Variants in BCL7A observed in about 807,000 individuals in gnomAD.
BCL7A encodes the protein B-cell CLL/lymphoma 7 protein family member A.
Under a neutral mutation model 28.4 loss-of-function variants are expected in BCL7A, and 11 were observed. The ratio of observed to expected loss-of-function variants is 0.39; its 90% CI spans 0.24 to 0.64. BCL7A has a LOEUF of 0.64. BCL7A is among the 30% of genes least tolerant of loss of function. The pLI is 0.50. For synonymous variants in BCL7A, 123 were observed against 103.3 expected, an observed-to-expected ratio of 1.19 and a Z score of -1.15; for missense variants, 222 against 274.8, an observed-to-expected ratio of 0.81 and a Z score of 1.36.
At chr12:122,035,588 CGGA>C (rs2135846388) in intron 3 of BCL7A, among the ~76,000 whole-genome samples, 161 bp downstream of exon 3, 1 of 152,250 alleles carries the variant, frequency 6.6e-6, no homozygotes, top group South Asian at 2.1e-4. Context: ...GAAGAGTCAG[CGGA>C]GGAGAGGATG....
At chr12:122,052,401 G>A (rs1884209775) in intron 4 of BCL7A, among the ~76,000 whole-genome samples, 1 of 152,136 alleles carries the variant, frequency 6.6e-6, no homozygotes, top group African/African-American at 2.4e-5. Context: ...TTCACTGACA[G>A]TACACTCACA....
intron 4 of BCL7A, among the ~76,000 whole-genome samples, chr12:122,052,828 G>A (rs892429961): frequency 1.5e-4 from 20 of 136,910 alleles, no homozygotes; most frequent in Admixed American, 3.9e-4. Context: ...GATTACAGGC[G>A]CGCGACACCA....
intron 3 of BCL7A, among the ~76,000 whole-genome samples, chr12:122,042,168 GC>G (rs1317487598): frequency 6.6e-6 from 1 of 152,150 alleles, no homozygotes; most frequent in Admixed American, 6.6e-5. Context: ...AACTGTAAAT[GC>G]CATTGCCCAA....
Position 122,059,206 on chromosome 12 carries a change from A to G in BCL7A, c.*43A>G, listed in dbSNP as rs777093755. 4 of 1,551,440 alleles carry G rather than the reference A, an allele frequency of 2.6e-6. No homozygotes were observed. Among genetic ancestry groups the G allele is most frequent in the African/African-American group, 2.7e-5 (2 of 73,500 alleles). On this transcript the variant is annotated 3_prime_UTR_variant, in exon 6 of 6. Coordinates refer to ENST00000261822, the MANE Select transcript of BCL7A (RefSeq NM_001024808.3). The surrounding 1 kb of genome is among the most constrained non-coding windows in gnomAD (Gnocchi z 4.0). The stretch of plus-strand genomic sequence containing the variant: ...CCGATCCATGTTCCATGGAAGGTAC[A>G]TCAGCAATTAATTCTAGAGCAACTT...
At chr12:122,024,586 A>C (rs2135836497) in intron 1 of BCL7A, among the ~76,000 whole-genome samples, 1 of 151,372 alleles carries the variant, frequency 6.6e-6, no homozygotes, top group South Asian at 2.1e-4. Context: ...GACTCAGCCC[A>C]TGAGACTGTG....
At chr12:122,050,739 T>C (rs1408378739) in intron 4 of BCL7A, among the ~76,000 whole-genome samples, 1 of 152,212 alleles carries the variant, frequency 6.6e-6, no homozygotes, top group African/African-American at 2.4e-5. Context: ...GAGGCTGCAG[T>C]GAGCCATGAT....
intron 4 of BCL7A, among the ~76,000 whole-genome samples, chr12:122,052,396 T>C (rs1381583683): frequency 6.6e-6 from 1 of 152,172 alleles, no homozygotes; most frequent in African/African-American, 2.4e-5. Context: ...AATAATTCAC[T>C]GACAGTACAC....
At position 122,029,005 on chromosome 12, in the gene BCL7A, T is replaced by C. The variant is rs1298298221; in HGVS notation, c.93-1695T>C. Among the ~76,000 whole-genome samples the C allele has an allele frequency of 6.6e-6, 1 of 152,184 alleles. No individual in the cohort carries two copies. The highest frequency in any genetic ancestry group is 1.5e-5 in the Non-Finnish European group (1 of 68,032). On this transcript the variant is annotated intron_variant, in intron 1 of 5. Transcript: ENST00000261822. The surrounding 1 kb of genome is among the most constrained non-coding windows in gnomAD (Gnocchi z 4.3). ...GCCAGTGGACTTAGACACTCGTCTTTCCTGCATCGTTTCTGGGTGAAAAGG... is the reference window on the plus strand; with the variant it reads ...GCCAGTGGACTTAGACACTCGTCTTCCCTGCATCGTTTCTGGGTGAAAAGG...
In BCL7A at chr12:122,033,498, G is replaced by A. The variant is rs187770886; in HGVS notation, c.175-1833G>A. ...CCAGCTAATTTTTGTATTTTTAATA[G>A]AGACGGGGTTTCACCATGTTAGCCA... On this transcript the variant is annotated intron_variant, in intron 2 of 5. Transcript: ENST00000261822. Among the ~76,000 whole-genome samples, 63 of 152,252 alleles carry A rather than the reference G, an allele frequency of 4.1e-4. 1 individual carries two copies. The highest frequency in any genetic ancestry group is 1.4e-3 in the African/African-American group (58 of 41,536).
At chr12:122,048,257 A>G (rs1321157548) in intron 4 of BCL7A, among the ~76,000 whole-genome samples, 1 of 151,674 alleles carries the variant, frequency 6.6e-6, no homozygotes, top group Non-Finnish European at 1.5e-5. Flanking sequence ...ATTTGAAGAG[A>G]GTATTTCTTA....
rs959576850 is a variant in BCL7A, at chr12:122,059,469, T to C, written c.*306T>C. Reference sequence around the variant, plus strand: ...TTCCATTTGTGTTGCTGCTGTATTTTCCCCCCACTTCTCTATGTAACGATA... The same window carrying C: ...TTCCATTTGTGTTGCTGCTGTATTTCCCCCCCACTTCTCTATGTAACGATA... On this transcript the variant is annotated 3_prime_UTR_variant, in exon 6 of 6. Transcript: ENST00000261822. This position sits in a 1 kb window ranked among gnomAD's most constrained non-coding sequence, Gnocchi z 4.0. 13 of 331,130 alleles carry C rather than the reference T, an allele frequency of 3.9e-5. No homozygotes were observed. The highest frequency in any genetic ancestry group is 6.2e-5 in the Non-Finnish European group (11 of 176,750). The allele number at this position is 331,130 out of a possible 1,614,324, so 20.5% of individuals were successfully genotyped here. A position where few individuals can be genotyped will look rare whatever the true frequency, so the allele number is the denominator to read the frequency against.
Position 122,044,008 on chromosome 12 carries a change from G to A in BCL7A, c.394G>A (p.Val132Met). 5 of 1,613,974 alleles carry A rather than the reference G, an allele frequency of 3.1e-6. No individual in the cohort carries two copies. Among genetic ancestry groups the A allele is most frequent in the Non-Finnish European group, 3.4e-6 (4 of 1,180,018 alleles). The change falls in exon 4 of 6, where the codon GTG becomes ATG. Residue 132 changes from valine (V) to methionine (M), a missense_variant. Coordinates refer to ENST00000261822, the MANE Select transcript of BCL7A (RefSeq NM_001024808.3). ...GCCCAGCGACGGCACCGAGGCCAAG[G>A]TGGATGAGGCCCAGGCTGATGGGAA... is the stretch of plus-strand genomic sequence containing the variant. ...AVPSDGTEAKVDEAQADGKEH... is the reference protein window; with the variant it reads ...AVPSDGTEAKMDEAQADGKEH...
chr12:122,027,952 T>G (rs1204091082), intron 1 of BCL7A, among the ~76,000 whole-genome samples: 1 of 152,254 alleles, frequency 6.6e-6, no homozygotes, highest in Admixed American at 6.5e-5. Flanking sequence ...TGGTGATGGT[T>G]TTGGGGGGCA....
At chr12:122,022,814 G>A (rs1212875062) in intron 1 of BCL7A, among the ~76,000 whole-genome samples, 1 of 151,748 alleles carries the variant, frequency 6.6e-6, no homozygotes, top group Non-Finnish European at 1.5e-5. Flanking sequence ...AGGGCTCTCG[G>A]CGACCAGGAA....
Position 122,043,969 on chromosome 12 carries a change from C to T in BCL7A, c.355C>T (p.Pro119Ser). The change falls in exon 4 of 6, where the codon CCC becomes TCC. Residue 119 changes from proline (P) to serine (S), a missense_variant. Transcript: ENST00000261822. ...NSSNSSPAPE[P>S]NSAVPSDGTE... ...CAGCAACTCCAGCCCCGCTCCAGAGCCCAACTCGGCTGTGCCCAGCGACGG... is the reference window on the plus strand; with the variant it reads ...CAGCAACTCCAGCCCCGCTCCAGAGTCCAACTCGGCTGTGCCCAGCGACGG... 1 of 1,614,002 alleles carries T rather than the reference C, an allele frequency of 6.2e-7. No individual in the cohort carries two copies.
Position 122,029,144 on chromosome 12 carries a change from T to TCCC in BCL7A, c.93-1556_93-1555insCCC, listed in dbSNP as rs1258065812. Among the ~76,000 whole-genome samples, 1 of 152,148 alleles carries TCCC rather than the reference T, an allele frequency of 6.6e-6. No individual in the cohort carries two copies. The highest frequency in any genetic ancestry group is 6.6e-5 in the Admixed American group (1 of 15,266). Reference sequence around the variant, plus strand: ...TCACCGCCCTGTGCCTCGGTTTCTTTATCTGTCAAATGGGGAAGTTGCCAT... The same window carrying TCCC: ...TCACCGCCCTGTGCCTCGGTTTCTTTCCCATCTGTCAAATGGGGAAGTTGCCAT... On this transcript the variant is annotated intron_variant, in intron 1 of 5. Coordinates refer to ENST00000261822, the MANE Select transcript of BCL7A (RefSeq NM_001024808.3). The surrounding 1 kb of genome is among the most constrained non-coding windows in gnomAD (Gnocchi z 4.3).
chr12:122,033,195 G>A (rs983008354), intron 2 of BCL7A, among the ~76,000 whole-genome samples: 1 of 151,456 alleles, frequency 6.6e-6, no homozygotes, highest in African/African-American at 2.4e-5. Context: ...GAGTGCAATG[G>A]CAGGATCATA....
At position 122,038,431 on chromosome 12, in the gene BCL7A, CAAAAAAAAAAAAAA is replaced by C. The variant is rs56376395; in HGVS notation, c.271+3019_271+3032del. On this transcript the variant is annotated intron_variant, in intron 3 of 5. Transcript: ENST00000261822. ...TGGGCAAAGGAGCGAGACTCTGCCT[CAAAAAAAAAAAAAA>C]AAAAAAAAAAAAAAGAGCAGTGGGG... Among the ~76,000 whole-genome samples the C allele has an allele frequency of 3.6e-4, 12 of 33,556 alleles. No individual in the cohort carries two copies. In the South Asian group the frequency reaches 4.4e-3, roughly 12 times the overall value. 22.0% of individuals were successfully genotyped at this position (33,556 alleles called of 152,430 possible). A position where few individuals can be genotyped will look rare whatever the true frequency, so the allele number is the denominator to read the frequency against.
rs72047889 is a variant in BCL7A, at chr12:122,021,916, T to TTGTGTG, written c.-168_-163dup. On this transcript the variant is annotated 5_prime_UTR_variant, in exon 1 of 6. Transcript: ENST00000261822. ...GCCAGGCGCGCGGCGGCCCCGGGCT[T>TTGTGTG]TGTGTGTGTGTGTATGTGTGTGTGT... 3.2e-4 allele frequency: 112 copies of TTGTGTG among 353,906 alleles called. 1 individual carries two copies. The highest frequency in any genetic ancestry group is 2.0e-3 in the Admixed American group (40 of 20,106). The allele number at this position is 353,906 out of a possible 1,614,324, so 21.9% of individuals were successfully genotyped here.
Sources: allele counts gnomAD v4.1 joint callset (sites outside exome capture counted in the v4.1 genomes callset), GRCh38; gene constraint gnomAD v4.1.1; non-coding constraint Gnocchi (gnomAD v3.1); transcripts MANE v1.5; gene names NCBI Gene and HGNC (gene_info 2026-07-23, HGNC 2026-07-21).